The following PHF21B variants were observed in gnomAD, a reference collection of about 807,000 sequenced individuals.
PHF21B encodes the protein PHD finger protein 21B.
PHF21B carries 22 observed loss-of-function variants against 62.2 expected under a neutral mutation model. That is an observed-to-expected ratio of 0.35 (90% CI 0.25 to 0.51). The LOEUF is 0.51. Among genes scored for constraint, PHF21B ranks in the 20% least tolerant of loss-of-function variants. PHF21B has a pLI of 0.97. For synonymous variants in PHF21B, 341 were observed against 314.7 expected, an observed-to-expected ratio of 1.08 and a Z score of -0.88; for missense variants, 701 against 707.9, an observed-to-expected ratio of 0.99 and a Z score of 0.11.
chr22:44,889,358 C>T (rs2070919893), intron 9 of PHF21B, among the ~76,000 whole-genome samples: 1 of 152,308 alleles, frequency 6.6e-6, no homozygotes, highest in East Asian at 1.9e-4. Flanking sequence ...ATTAACAAGT[C>T]CAGCCCCTTT....
At chr22:44,925,652 C>T (rs140234017) in intron 2 of PHF21B, among the ~76,000 whole-genome samples, 280 of 152,346 alleles carry the variant, frequency 1.8e-3, no homozygotes, top group African/African-American at 6.3e-3. Context: ...GAGGCAGCTC[C>T]CAATCCATAA....
At chr22:44,910,393 G>T (rs1420338340) in intron 5 of PHF21B, among the ~76,000 whole-genome samples, 1 of 152,168 alleles carries the variant, frequency 6.6e-6, no homozygotes, top group Non-Finnish European at 1.5e-5. Flanking sequence ...CTCAAGACCA[G>T]CCTGGGCAAC....
At chr22:44,950,438 G>C (rs776269796) in intron 2 of PHF21B, among the ~76,000 whole-genome samples, 1 of 152,174 alleles carries the variant, frequency 6.6e-6, no homozygotes, top group Non-Finnish European at 1.5e-5. Context: ...AGCAGCAGCA[G>C]GCAGGATCAA....
chr22:44,942,058 A>C (rs912759276), intron 2 of PHF21B, among the ~76,000 whole-genome samples: 2 of 152,096 alleles, frequency 1.3e-5, no homozygotes, highest in Non-Finnish European at 2.9e-5. Flanking sequence ...GGCCCTGGGG[A>C]CTCAGAACAG....
At chr22:44,903,500 T>A (rs1018701593) in intron 5 of PHF21B, among the ~76,000 whole-genome samples, 2 of 152,038 alleles carry the variant, frequency 1.3e-5, no homozygotes, top group African/African-American at 4.8e-5. Context: ...GCTATTAGTT[T>A]ATAGGGGATG....
chr22:44,989,205 A>G (rs1030148913), intron 2 of PHF21B: 1 of 152,286 alleles, frequency 6.6e-6, no homozygotes, highest in Non-Finnish European at 1.5e-5. Context: ...AGGAGACCTC[A>G]GGGAACTCTT....
chr22:45,009,635 G>C lies in PHF21B; in HGVS notation c.-86C>G. 2 of 1,348,890 alleles carry C rather than the reference G, an allele frequency of 1.5e-6. No individual in the cohort carries two copies. The highest frequency in any genetic ancestry group is 9.7e-7 in the Non-Finnish European group (1 of 1,033,456). The allele number at this position is 1,348,890 out of a possible 1,614,324, so 83.6% of individuals were successfully genotyped here. On this transcript the variant is annotated 5_prime_UTR_variant, in exon 1 of 13. Transcript: ENST00000313237. This position sits in a 1 kb window ranked among gnomAD's most constrained non-coding sequence, Gnocchi z 5.9. Reference sequence around the variant, plus strand: ...GCTCCGCGGGGGCCAGAGCGGGCGCGGGCGGACGCGGCCTCCGGGCTGGGT... The same window carrying C: ...GCTCCGCGGGGGCCAGAGCGGGCGCCGGCGGACGCGGCCTCCGGGCTGGGT...
At position 44,978,804 on chromosome 22, in the gene PHF21B, G is replaced by A. The variant is rs147216168; in HGVS notation, c.120+29741C>T. Among the ~76,000 whole-genome samples the A allele has an allele frequency of 5.4e-3, 818 of 152,320 alleles. 6 individuals carry two copies. Among genetic ancestry groups the A allele is most frequent in the African/African-American group, 0.019 (787 of 41,574 alleles). ...AACCAATCTCCTGGCTCCCATAGGC[G>A]AAGGCTGTTGACAAGATGGTTTCAT... is the stretch of plus-strand genomic sequence containing the variant. On this transcript the variant is annotated intron_variant, in intron 2 of 12. Transcript: ENST00000313237.
chr22:44,993,894 A>G (rs1327320505), intron 2 of PHF21B, among the ~76,000 whole-genome samples: 2 of 152,356 alleles, frequency 1.3e-5, no homozygotes, highest in East Asian at 3.9e-4. Flanking sequence ...GTGAAGAGCC[A>G]CAAACTAGAG....
chr22:44,914,153 G>C (rs1323879563), intron 4 of PHF21B, 65 bp from the exon 5 acceptor site: 1 of 579,748 alleles, frequency 1.7e-6, no homozygotes, highest in Non-Finnish European at 3.1e-6. Flanking sequence ...GGAGGTAGCT[G>C]GTATGGCACA....
At chr22:44,898,244 C>A (rs1260626325) in intron 5 of PHF21B, among the ~76,000 whole-genome samples, 2 of 152,122 alleles carry the variant, frequency 1.3e-5, no homozygotes, top group Non-Finnish European at 2.9e-5. Context: ...AGGTATTTTG[C>A]AGAGCCACCC....
At chr22:44,890,279 A>C (rs2070940144) in intron 8 of PHF21B, among the ~76,000 whole-genome samples, 2 of 152,206 alleles carry the variant, frequency 1.3e-5, no homozygotes, top group African/African-American at 4.8e-5. Flanking sequence ...AGAACCCCTC[A>C]AAGTGACTTA....
intron 1 of PHF21B, chr22:45,008,897 TGCGA>T: frequency 8.6e-7 from 1 of 1,167,590 alleles, no homozygotes. Context: ...GGGGTGCGTG[TGCGA>T]GTGAGTGTGA....
At chr22:44,993,067 G>A (rs2073066572) in intron 2 of PHF21B, among the ~76,000 whole-genome samples, 1 of 152,172 alleles carries the variant, frequency 6.6e-6, no homozygotes, top group South Asian at 2.1e-4. Context: ...AGATGCCAGG[G>A]AACACAAGGC....
rs1319049420 is a variant in PHF21B, at chr22:45,009,636, G to A, written c.-87C>T. The A allele has an allele frequency of 3.3e-5, 44 of 1,344,178 alleles. No individual in the cohort carries two copies. The highest frequency in any genetic ancestry group is 4.2e-5 in the Non-Finnish European group (43 of 1,029,368). The allele number at this position is 1,344,178 out of a possible 1,614,324, so 83.3% of individuals were successfully genotyped here. A position where few individuals can be genotyped will look rare whatever the true frequency, so the allele number is the denominator to read the frequency against. ...CTCCGCGGGGGCCAGAGCGGGCGCG[G>A]GCGGACGCGGCCTCCGGGCTGGGTT... On this transcript the variant is annotated 5_prime_UTR_variant, in exon 1 of 13. Transcript: ENST00000313237. The surrounding 1 kb of genome is among the most constrained non-coding windows in gnomAD (Gnocchi z 5.9).
intron 2 of PHF21B, among the ~76,000 whole-genome samples, chr22:44,983,608 T>C (rs973086736): frequency 6.6e-6 from 1 of 152,204 alleles, no homozygotes; most frequent in African/African-American, 2.4e-5. Flanking sequence ...TCTGTACTTT[T>C]TGTATTTTTT....
intron 2 of PHF21B, among the ~76,000 whole-genome samples, chr22:44,958,811 T>C (rs1191038449): frequency 6.6e-6 from 1 of 151,936 alleles, no homozygotes; most frequent in Non-Finnish European, 1.5e-5. Context: ...GAGACAGGGT[T>C]TTTGTATTTT....
At chr22:44,993,966 C>T (rs2073080207) in intron 2 of PHF21B, among the ~76,000 whole-genome samples, 1 of 152,022 alleles carries the variant, frequency 6.6e-6, no homozygotes, top group Non-Finnish European at 1.5e-5. Flanking sequence ...ACCACCTGCC[C>T]AGTCACAGTT....
chr22:44,920,773 A>C (rs1296143754), intron 2 of PHF21B, among the ~76,000 whole-genome samples: 2 of 152,234 alleles, frequency 1.3e-5, no homozygotes, highest in African/African-American at 4.8e-5. Flanking sequence ...CTAAATATAG[A>C]ATGTTGTAAC....
Sources: gnomAD v4.1 joint callset for allele counts (sites outside exome capture counted in the v4.1 genomes callset) on GRCh38, gnomAD v4.1.1 for gene constraint, Gnocchi (gnomAD v3.1) non-coding constraint, MANE v1.5 for transcripts, NCBI Gene and HGNC (gene_info 2026-07-23, HGNC 2026-07-21) for gene names.